Variants in PWWP2A observed in about 807,000 individuals in gnomAD.
The protein encoded by PWWP2A is PWWP domain containing 2A.
PWWP2A carries 18 observed loss-of-function variants against 48.5 expected under a neutral mutation model. The observed-to-expected ratio is 0.37, with a 90% CI of 0.26 to 0.55. The LOEUF (loss-of-function observed/expected upper bound fraction) is 0.55. Ranked by LOEUF, PWWP2A falls within the 20% of genes least tolerant of loss-of-function variation. The probability of loss-of-function intolerance (pLI) is 0.81; values close to 1 mark genes in which losing one functional copy is unlikely to be tolerated. For synonymous variants in PWWP2A, 396 were observed against 387.7 expected (o/e 1.02, Z -0.25); for missense variants, 867 against 976.4 (o/e 0.89, Z 1.49).
chr5:160,055,735 G>C, the PWWP2A span, among the ~76,000 whole-genome samples: 1 of 152,250 alleles, frequency 6.6e-6, no homozygotes, highest in Non-Finnish European at 1.5e-5. Flanking sequence ...TGAGGGGTTA[G>C]AGGCCAGAGG....
intron 1 of PWWP2A, among the ~76,000 whole-genome samples, chr5:160,094,930 C>T (rs1413848882): frequency 6.6e-6 from 1 of 151,306 alleles, no homozygotes; most frequent in Non-Finnish European, 1.5e-5. Flanking sequence ...CGCCAGTAGT[C>T]CCAGCTACTC....
the PWWP2A span, among the ~76,000 whole-genome samples, chr5:160,048,126 CTTTTTTTTTTTTTTTTTTTTTTT>C: frequency 5.6e-5 from 2 of 35,538 alleles, no homozygotes; most frequent in Admixed American, 5.1e-4. Context: ...CAAGACATTG[CTTTTTTTTTTTTTTTTTTTTTTT>C]TTTTTTTTTT....
intron 4 of PWWP2A, chr5:160,065,148 A>T (rs1454386751): frequency 3.2e-6 from 5 of 1,548,082 alleles, no homozygotes; most frequent in Non-Finnish European, 4.3e-6. Context: ...GCCAATGTTT[A>T]ACTTTTAAAA....
the PWWP2A span, among the ~76,000 whole-genome samples, chr5:160,050,277 G>A: frequency 6.6e-6 from 1 of 151,994 alleles, no homozygotes; most frequent in Non-Finnish European, 1.5e-5. Flanking sequence ...GAGAAACCCT[G>A]TCTCTACTAA....
chr5:160,054,079 G>T, the PWWP2A span, among the ~76,000 whole-genome samples: 1 of 149,160 alleles, frequency 6.7e-6, no homozygotes, highest in Non-Finnish European at 1.5e-5. Flanking sequence ...GGTTGTTTTT[G>T]TTTGTTTGTT....
At chr5:160,094,148 C>T (rs1302621337) in intron 1 of PWWP2A, 83 bp from the exon 2 acceptor site, 7 of 1,384,282 alleles carry the variant, frequency 5.1e-6, no homozygotes, top group Non-Finnish European at 6.7e-6. Context: ...ACATCTGATG[C>T]TTATTTATAT....
chr5:160,101,653 G>C (rs889418709), intron 1 of PWWP2A, among the ~76,000 whole-genome samples: 48 of 97,236 alleles, frequency 4.9e-4, no homozygotes, highest in Admixed American at 4.4e-3. Flanking sequence ...AATACATTTT[G>C]TTATTTTTTT....
In PWWP2A at chr5:160,109,771, AAAAATATATATATATATAT is replaced by A. The variant is rs1195096137; in HGVS notation, c.584+9015_584+9033del. 1.6e-3 allele frequency among the ~76,000 whole-genome samples: 73 copies of A among 45,002 alleles called. 1 individual carries two copies. The highest frequency in any genetic ancestry group is 6.3e-3 in the African/African-American group (72 of 11,376). The allele number at this position is 45,002 out of a possible 152,430, so 29.5% of individuals were successfully genotyped here. On this transcript the variant is annotated intron_variant, in intron 1 of 1. Transcript: ENST00000307063. ...GATGCAACTGGGAAAAAAAAAAAAA[AAAAATATATATATATATAT>A]ATATATATATATATATATAAAATAA... is the stretch of plus-strand genomic sequence containing the variant.
At chr5:160,054,930 A>T in the PWWP2A span, among the ~76,000 whole-genome samples, 1 of 152,240 alleles carries the variant, frequency 6.6e-6, no homozygotes, top group African/African-American at 2.4e-5. Context: ...CCTCTGCTCA[A>T]CTGTAAGATA....
Position 160,092,776 on chromosome 5 carries a change from T to A in PWWP2A, c.1874A>T (p.Glu625Val). 6.4e-7 allele frequency: 1 copy of A among 1,551,680 alleles called. No individual in the cohort carries two copies. The highest frequency in any genetic ancestry group is 8.7e-7 in the Non-Finnish European group (1 of 1,146,982). The change falls in exon 2 of 2, where the codon GAA (glutamate) becomes GTA (valine). Residue 625 changes from glutamate to valine, a missense_variant. Physicochemically the swap from Glu to Val is moderately radical, Grantham distance 121 (BLOSUM62 -2). This residue lies in a region of PWWP2A where 382 missense variants were observed against 407.2 expected (regional missense o/e 0.94). Transcript: ENST00000307063. The part of the protein sequence containing the change: ...STSSTSSSSK[E>V]EKKLSNSLKM... The stretch of plus-strand genomic sequence containing the variant: ...CAAGGAATTACTGAGCTTTTTCTCT[T>A]CCTTTGAAGAGGAGGAAGTGGAGGA...
At chr5:160,064,423 A>G (rs1019746320) in intron 4 of PWWP2A, among the ~76,000 whole-genome samples, 1 of 152,248 alleles carries the variant, frequency 6.6e-6, no homozygotes, top group African/African-American at 2.4e-5. Context: ...TGTTTAGGAA[A>G]GCAGGAAGCT....
chr5:160,096,702 T>C (rs1487095355), intron 1 of PWWP2A, among the ~76,000 whole-genome samples: 1 of 152,168 alleles, frequency 6.6e-6, no homozygotes, highest in Non-Finnish European at 1.5e-5. Context: ...CAATCATGGA[T>C]TGCTGCAGCA....
chr5:160,084,509 G>A (rs939034364), intron 2 of PWWP2A, among the ~76,000 whole-genome samples: 2 of 152,148 alleles, frequency 1.3e-5, no homozygotes, highest in African/African-American at 4.8e-5. Flanking sequence ...GCTAACAGCA[G>A]CCTCAGCCTC....
intron 1 of PWWP2A, among the ~76,000 whole-genome samples, chr5:160,096,533 T>G (rs572990537): frequency 6.6e-6 from 1 of 152,232 alleles, no homozygotes; most frequent in South Asian, 2.1e-4. Flanking sequence ...GCATTAACAA[T>G]AACATTTTCT....
downstream of PWWP2A, among the ~76,000 whole-genome samples, chr5:160,088,827 A>C (rs1213922380): frequency 6.6e-6 from 1 of 152,226 alleles, no homozygotes; most frequent in African/African-American, 2.4e-5. Flanking sequence ...TTTTAGATAC[A>C]AATTATAGAC....
At chr5:160,046,165 T>C in the PWWP2A span, among the ~76,000 whole-genome samples, 1 of 152,222 alleles carries the variant, frequency 6.6e-6, no homozygotes, top group Non-Finnish European at 1.5e-5. Flanking sequence ...CTTTGTCTTA[T>C]CCTATTTTTC....
rs749111808 is a variant in PWWP2A at position 160,115,213 on chromosome 5, G to A, written c.584+3592C>T. ...TGAGTTCCAGCCTAGTCTCTGAAACGGACTGGCAGTCATCATGTCTGTGCT... is the reference window on the plus strand; with the variant it reads ...TGAGTTCCAGCCTAGTCTCTGAAACAGACTGGCAGTCATCATGTCTGTGCT... On this transcript the variant is annotated intron_variant, in intron 1 of 1. Transcript: ENST00000307063. Among the ~76,000 whole-genome samples, 7 of 148,706 alleles carry A rather than the reference G, an allele frequency of 4.7e-5. No individual in the cohort carries two copies. The South Asian group carries it at 1.1e-3, about 23-fold the overall frequency.
intron 1 of PWWP2A, among the ~76,000 whole-genome samples, chr5:160,109,778 T>TAATA (rs1757309513): frequency 2.3e-5 from 1 of 44,048 alleles, no homozygotes; most frequent in Non-Finnish European, 4.7e-5. Flanking sequence ...AAAAAAAATA[T>TAATA]ATATATATAT....
At chr5:160,073,431 G>A (rs1470972987), downstream of PWWP2A, among the ~76,000 whole-genome samples, 1 of 151,844 alleles carries the variant, frequency 6.6e-6, no homozygotes. Flanking sequence ...GTTTCACCGT[G>A]TTAGCCAGGA....
Sources: gnomAD v4.1 joint callset for allele counts (sites outside exome capture counted in the v4.1 genomes callset) on GRCh38, gnomAD v4.1.1 for gene constraint, gnomAD v4.1.1 regional missense constraint, MANE v1.5 for transcripts, NCBI Gene and HGNC (gene_info 2026-07-23, HGNC 2026-07-21) for gene names.